TYW1B: variants seen among roughly 807,000 people sequenced by gnomAD.
TYW1B encodes tRNA-yW synthesizing protein 1 homolog B, also known as S-adenosyl-L-methionine-dependent tRNA 4-demethylwyosine synthase TYW1B.
Under a neutral mutation model 86.9 loss-of-function variants are expected in TYW1B, and 73 were observed. That is an observed-to-expected ratio of 0.84 (90% CI 0.70 to 1.02). TYW1B has a LOEUF of 1.02. TYW1B is among the 50% of genes least tolerant of loss of function. The pLI, the probability that TYW1B is intolerant of heterozygous loss-of-function variation, is 0.00. For missense variants in TYW1B, 637 were observed against 827.4 expected (o/e 0.77, Z 2.82); for synonymous variants, 248 against 292.8 (o/e 0.85, Z 1.56).
chr7:72,786,864 T>C (rs1192056741), intron 6 of TYW1B, among the ~76,000 whole-genome samples: 1 of 152,128 alleles, frequency 6.6e-6, no homozygotes, highest in East Asian at 1.9e-4. Flanking sequence ...CATGAGCCAC[T>C]GCGCCCTGCT....
chr7:72,802,511 G>C lies in TYW1B; in HGVS notation c.735C>G (p.Pro245=). ...LHHRDTKEEE[P]FESSSEEEFG... ...ACTCTTCTTCACTGGAGCTCTCGAA[G>C]GGTTCTTCCTCCTGGAAGAGAAATG... Residue 245 remains proline, a synonymous_variant, in exon 6 of 14, where the codon CCC becomes CCG. Transcript: ENST00000620995. 2.5e-6 allele frequency: 4 copies of C among 1,613,808 alleles called. No individual in the cohort carries two copies. The highest frequency in any genetic ancestry group is 3.4e-6 in the Non-Finnish European group (4 of 1,179,826).
chr7:72,598,339 T>A (rs1811583621), intron 13 of TYW1B, among the ~76,000 whole-genome samples: 1 of 152,056 alleles, frequency 6.6e-6, no homozygotes, highest in Non-Finnish European at 1.5e-5. Context: ...GCAGACAGCT[T>A]ATTGTGGGAC....
chr7:72,600,882 C>T (rs1308579286), intron 13 of TYW1B, among the ~76,000 whole-genome samples: 4 of 151,964 alleles, frequency 2.6e-5, no homozygotes, highest in East Asian at 1.9e-4. Context: ...AAGGGCCGGG[C>T]GTGGTGGCTC....
At chr7:72,736,201 G>A (rs530631311) in intron 8 of TYW1B, among the ~76,000 whole-genome samples, 1 of 152,254 alleles carries the variant, frequency 6.6e-6, no homozygotes, top group Non-Finnish European at 1.5e-5. Flanking sequence ...CAATTGGCTA[G>A]CAACTTAGAA....
intron 11 of TYW1B, among the ~76,000 whole-genome samples, chr7:72,674,397 A>G (rs1447015171): frequency 2.0e-5 from 3 of 152,162 alleles, no homozygotes; most frequent in African/African-American, 7.2e-5. Context: ...ACTAAGCACC[A>G]CAGAGATGAG....
intron 11 of TYW1B, among the ~76,000 whole-genome samples, chr7:72,659,521 T>C (rs1813281711): frequency 6.6e-6 from 1 of 152,008 alleles, no homozygotes; most frequent in South Asian, 2.1e-4. Flanking sequence ...GAGGGTACAG[T>C]GAGCCGAGAT....
chr7:72,589,388 T>A (rs1339887277), intron 13 of TYW1B, among the ~76,000 whole-genome samples: 1 of 152,210 alleles, frequency 6.6e-6, no homozygotes, highest in Admixed American at 6.5e-5. Flanking sequence ...AAAGTGCTAA[T>A]AGGAAATACC....
At chr7:72,632,346 T>TTATATATATACACG (rs1315850269) in intron 11 of TYW1B, among the ~76,000 whole-genome samples, 1 of 103,594 alleles carries the variant, frequency 9.7e-6, no homozygotes, top group African/African-American at 4.6e-5. Flanking sequence ...CGTATATATA[T>TTATATATATACACG]TATATATATT....
intron 11 of TYW1B, among the ~76,000 whole-genome samples, chr7:72,635,074 A>G (rs1563040012): frequency 6.6e-6 from 1 of 152,182 alleles, no homozygotes; most frequent in Non-Finnish European, 1.5e-5. Flanking sequence ...CAAGAGCATG[A>G]AGATAAGCTC....
chr7:72,623,892 C>G (rs1812282896), intron 12 of TYW1B, among the ~76,000 whole-genome samples: 1 of 152,064 alleles, frequency 6.6e-6, no homozygotes. Context: ...GCCTCTGCCT[C>G]CTGGATTCAA....
chr7:72,614,237 T>C (rs1554436466), intron 13 of TYW1B, among the ~76,000 whole-genome samples: 1 of 152,208 alleles, frequency 6.6e-6, no homozygotes, highest in Non-Finnish European at 1.5e-5. Flanking sequence ...ATACAGGCTC[T>C]GGAGTCAGAT....
intron 7 of TYW1B, among the ~76,000 whole-genome samples, chr7:72,766,402 T>C (rs536903857): frequency 1.9e-3 from 282 of 151,202 alleles, no homozygotes; most frequent in Middle Eastern, 6.8e-3. Flanking sequence ...TCACTTGAGG[T>C]CAGGAGTTCG....
At chr7:72,816,094 G>A (rs571514228) in intron 2 of TYW1B, among the ~76,000 whole-genome samples, 2 of 152,096 alleles carry the variant, frequency 1.3e-5, no homozygotes, top group African/African-American at 4.8e-5. Flanking sequence ...AGTGAAGAAT[G>A]GGCTGGGCAC....
At chr7:72,615,580 T>C (rs1214640535) in intron 13 of TYW1B, among the ~76,000 whole-genome samples, 1 of 152,042 alleles carries the variant, frequency 6.6e-6, no homozygotes, top group Non-Finnish European at 1.5e-5. Flanking sequence ...CAAGGCAACA[T>C]GAATGAGAAC....
At chr7:72,749,362 C>G (rs1255696491) in intron 7 of TYW1B, among the ~76,000 whole-genome samples, 8 of 152,080 alleles carry the variant, frequency 5.3e-5, no homozygotes, top group Non-Finnish European at 1.0e-4. Context: ...GGCACGATCT[C>G]GGCTCACTGC....
At chr7:72,658,370 T>C (rs1379180030) in intron 11 of TYW1B, among the ~76,000 whole-genome samples, 3 of 151,678 alleles carry the variant, frequency 2.0e-5, no homozygotes, top group African/African-American at 7.3e-5. Flanking sequence ...ACATTAAAAA[T>C]ATTGTTACAC....
At chr7:72,811,712 G>C (rs1229489869) in intron 3 of TYW1B, among the ~76,000 whole-genome samples, 2 of 151,736 alleles carry the variant, frequency 1.3e-5, no homozygotes, top group Non-Finnish European at 2.9e-5. Flanking sequence ...AGGAGTTCAA[G>C]ACCAGCCTAA....
intron 11 of TYW1B, among the ~76,000 whole-genome samples, chr7:72,640,768 A>T (rs1377496595): frequency 6.6e-6 from 1 of 152,178 alleles, no homozygotes; most frequent in Admixed American, 6.5e-5. Flanking sequence ...AACCAATAAC[A>T]TAAGACAAAA....
intron 13 of TYW1B, among the ~76,000 whole-genome samples, chr7:72,603,116 GGATGGATGGATGGATGGATA>G (rs1415840161): frequency 3.3e-5 from 5 of 151,960 alleles, no homozygotes; most frequent in Admixed American, 1.3e-4. Flanking sequence ...ATGGATGGAT[GGATGGATGGATGGATGGATA>G]GATGGATGGA....
Sources: gnomAD v4.1 joint callset for allele counts (sites outside exome capture counted in the v4.1 genomes callset) on GRCh38, gnomAD v4.1.1 for gene constraint, MANE v1.5 for transcripts, NCBI Gene and HGNC (gene_info 2026-07-23, HGNC 2026-07-21) for gene names.